TYW1: variants seen among roughly 807,000 people sequenced by gnomAD.
The protein encoded by TYW1 is S-adenosyl-L-methionine-dependent tRNA 4-demethylwyosine synthase TYW1.
In TYW1, 46 loss-of-function variants were observed where a neutral mutation model predicts 96.2. That is an observed-to-expected ratio of 0.48 (90% CI 0.38 to 0.61). The LOEUF (loss-of-function observed/expected upper bound fraction) is 0.61. Among genes scored for constraint, TYW1 ranks in the 20% least tolerant of loss-of-function variants. TYW1 has a pLI of 0.00. For synonymous variants in TYW1, 274 were observed against 323.0 expected (o/e 0.85, Z 1.63); for missense variants, 684 against 909.6 (o/e 0.75, Z 3.19).
intron 6 of TYW1, among the ~76,000 whole-genome samples, chr7:67,018,661 A>T (rs557413210): frequency 5.3e-5 from 8 of 151,824 alleles, no homozygotes; most frequent in African/African-American, 1.9e-4. Flanking sequence ...GCTTTCCAGA[A>T]TCTCTTCTTT....
chr7:67,046,307 C>T (rs560840069), intron 7 of TYW1, among the ~76,000 whole-genome samples: 1 of 152,194 alleles, frequency 6.6e-6, no homozygotes, highest in African/African-American at 2.4e-5. Flanking sequence ...TTCTGATTGC[C>T]TCTGGTATCA....
chr7:67,207,681 C>CTTCTTCTTTTTT (rs71052407), intron 15 of TYW1, among the ~76,000 whole-genome samples: 2 of 116,580 alleles, frequency 1.7e-5, no homozygotes, highest in South Asian at 2.7e-4. Context: ...TTTTGTTTGC[C>CTTCTTCTTTTTT]TTTTTTTTTT....
chr7:67,166,180 T>G (rs550381621), intron 13 of TYW1, among the ~76,000 whole-genome samples: 1 of 150,132 alleles, frequency 6.7e-6, no homozygotes, highest in South Asian at 2.1e-4. Flanking sequence ...AGCCCAGGAG[T>G]TTGAATTCCA....
At chr7:67,083,385 T>A (rs1277473421) in intron 10 of TYW1, 45 bp from the exon 11 acceptor site, 1 of 1,590,636 alleles carries the variant, frequency 6.3e-7, no homozygotes, top group Admixed American at 1.7e-5. Flanking sequence ...CTAGCCCAGA[T>A]CTTATTACAG....
At chr7:67,217,896 T>C (rs1317603606) in intron 15 of TYW1, among the ~76,000 whole-genome samples, 1 of 138,654 alleles carries the variant, frequency 7.2e-6, no homozygotes, top group East Asian at 2.0e-4. Flanking sequence ...TTCACTCTTG[T>C]CACCCAGGCT....
intron 3 of TYW1, among the ~76,000 whole-genome samples, chr7:67,000,067 C>T (rs1171173751): frequency 6.6e-6 from 1 of 151,908 alleles, no homozygotes; most frequent in African/African-American, 2.4e-5. Context: ...TCCTGAGTAT[C>T]TGGGACTATA....
chr7:67,080,392 C>T (rs1225855186), intron 10 of TYW1, among the ~76,000 whole-genome samples: 1 of 149,802 alleles, frequency 6.7e-6, no homozygotes, highest in Non-Finnish European at 1.5e-5. Flanking sequence ...AGGATAGCTA[C>T]TCTTGCTTAC....
chr7:67,144,905 C>A (rs1798558949), intron 13 of TYW1, among the ~76,000 whole-genome samples: 5 of 151,710 alleles, frequency 3.3e-5, no homozygotes. Context: ...AAAACATATG[C>A]AGGAAAAATC....
chr7:67,138,825 G>A (rs1798354430), intron 13 of TYW1, among the ~76,000 whole-genome samples: 2 of 151,952 alleles, frequency 1.3e-5, no homozygotes, highest in Non-Finnish European at 2.9e-5. Flanking sequence ...TTTTATGGGT[G>A]AATAGTACTC....
At chr7:67,019,417 C>T (rs767752375) in intron 6 of TYW1, among the ~76,000 whole-genome samples, 40 of 151,400 alleles carry the variant, frequency 2.6e-4, no homozygotes, top group African/African-American at 4.9e-4. Flanking sequence ...AGGCTGGTCT[C>T]GAACTCCTGA....
intron 5 of TYW1, among the ~76,000 whole-genome samples, chr7:67,015,734 A>G (rs1793994600): frequency 6.6e-6 from 1 of 152,058 alleles, no homozygotes. Context: ...AGGCTGAGGC[A>G]GGCGGATCAC....
intron 5 of TYW1, among the ~76,000 whole-genome samples, chr7:67,017,182 C>G (rs746705906): frequency 5.9e-5 from 9 of 151,812 alleles, no homozygotes; most frequent in African/African-American, 2.2e-4. Flanking sequence ...GGGGTCTCAC[C>G]GTGTTGGCCA....
chr7:67,071,612 C>T (rs1180103425), intron 10 of TYW1, among the ~76,000 whole-genome samples: 2 of 145,506 alleles, frequency 1.4e-5, no homozygotes, highest in Admixed American at 1.4e-4. Context: ...GCTACTATAC[C>T]TGGCTAATTT....
At chr7:67,223,466 A>C (rs1801461305) in intron 15 of TYW1, among the ~76,000 whole-genome samples, 1 of 151,990 alleles carries the variant, frequency 6.6e-6, no homozygotes, top group Non-Finnish European at 1.5e-5. Context: ...GGTAACTATA[A>C]TTTCCCTATA....
At chr7:67,224,937 T>C (rs1033441342) in intron 15 of TYW1, among the ~76,000 whole-genome samples, 5 of 152,166 alleles carry the variant, frequency 3.3e-5, no homozygotes, top group African/African-American at 1.2e-4. Flanking sequence ...ATGCCTGTAA[T>C]CCCAGCACTT....
intron 13 of TYW1, 55 bp from the exon 14 acceptor site, chr7:67,183,071 T>C: frequency 1.1e-5 from 17 of 1,486,742 alleles, no homozygotes; most frequent in African/African-American, 1.4e-5. Context: ...ACCCTCTAGG[T>C]TAAGAGGTGA....
chr7:67,005,746 G>A (rs1006262156), intron 3 of TYW1, among the ~76,000 whole-genome samples: 11 of 152,284 alleles, frequency 7.2e-5, no homozygotes, highest in Admixed American at 3.9e-4. Flanking sequence ...TGAAAACTTA[G>A]GTGAAGTCAC....
Position 67,001,206 on chromosome 7 carries a change from T to A in TYW1, c.273+2252T>A, listed in dbSNP as rs545715930. On this transcript the variant is annotated intron_variant, in intron 3 of 15. Transcript: ENST00000359626. ...ACCTTTTAACTATTTCTATTTTTAG[T>A]TCCTCTGATGCTTATGCTGTGTTTC... 4.6e-5 allele frequency among the ~76,000 whole-genome samples: 7 copies of A among 152,256 alleles called. No homozygotes were observed. The South Asian group carries it at 1.4e-3, about 32-fold the overall frequency.
intron 7 of TYW1, among the ~76,000 whole-genome samples, chr7:67,045,045 G>A (rs1795144218): frequency 6.6e-6 from 1 of 152,138 alleles, no homozygotes; most frequent in Admixed American, 6.6e-5. Context: ...CTTGTTTGTT[G>A]TAAAACTCAT....
Sources: allele counts gnomAD v4.1 joint callset (sites outside exome capture counted in the v4.1 genomes callset), GRCh38; gene constraint gnomAD v4.1.1; transcripts MANE v1.5; gene names NCBI Gene and HGNC (gene_info 2026-07-23, HGNC 2026-07-21).